The following EFNA5 variants were observed in gnomAD, a reference collection of about 807,000 sequenced individuals.
EFNA5 encodes the protein ephrin A5, also known as ephrin-A5.
A neutral mutation model predicts 22.9 loss-of-function variants in EFNA5; 5 were observed. The ratio of observed to expected loss-of-function variants is 0.22; its 90% CI spans 0.11 to 0.46. The LOEUF (loss-of-function observed/expected upper bound fraction) is 0.46. EFNA5 is among the 20% of genes least tolerant of loss of function. EFNA5 has a pLI of 0.99. For missense variants in EFNA5, 237 were observed against 293.3 expected (o/e 0.81, Z 1.40); for synonymous variants, 113 against 112.2 (o/e 1.01, Z -0.04).
At chr5:107,648,039 C>T (rs373788499) in intron 1 of EFNA5, among the ~76,000 whole-genome samples, 60 of 152,208 alleles carry the variant, frequency 3.9e-4, no homozygotes, top group African/African-American at 1.3e-3. Flanking sequence ...TTGATGCAAA[C>T]GCATTTAGTA....
intron 1 of EFNA5, among the ~76,000 whole-genome samples, chr5:107,592,870 C>T (rs936523491): frequency 1.3e-5 from 2 of 152,064 alleles, no homozygotes; most frequent in African/African-American, 2.4e-5. Flanking sequence ...TTCTTTTCTG[C>T]GAAGGAATTC....
At chr5:107,629,938 C>T (rs770015863) in intron 1 of EFNA5, among the ~76,000 whole-genome samples, 4 of 152,044 alleles carry the variant, frequency 2.6e-5, no homozygotes, top group Non-Finnish European at 5.9e-5. Context: ...CACCTGTAAT[C>T]CCCGCTACCA....
chr5:107,400,299 A>T (rs1748051244), intron 2 of EFNA5, among the ~76,000 whole-genome samples: 1 of 144,168 alleles, frequency 6.9e-6, no homozygotes, highest in African/African-American at 2.9e-5. Context: ...TATAACTTCA[A>T]TAAGTCAAAT....
At chr5:107,556,570 AC>A in intron 1 of EFNA5, among the ~76,000 whole-genome samples, 1 of 151,764 alleles carries the variant, frequency 6.6e-6, no homozygotes, top group South Asian at 2.1e-4. Context: ...ACATGATGAA[AC>A]CCCGTTTCTA....
intron 1 of EFNA5, among the ~76,000 whole-genome samples, chr5:107,444,559 T>C (rs1190099192): frequency 2.0e-5 from 3 of 152,248 alleles, no homozygotes; most frequent in Non-Finnish European, 4.4e-5. Context: ...ACTTAATGGT[T>C]GAACTTCTCT....
chr5:107,420,522 T>TAAAAAAAAAAAAAAAAAAAAA (rs368304882), intron 2 of EFNA5, among the ~76,000 whole-genome samples: 1 of 109,066 alleles, frequency 9.2e-6, no homozygotes. Flanking sequence ...TCTGTGCTTT[T>TAAAAAAAAAAAAAAAAAAAAA]AAAAAAAAAA....
intron 1 of EFNA5, among the ~76,000 whole-genome samples, chr5:107,512,781 C>A (rs173458): frequency 0.08 from 12,139 of 151,962 alleles, 505 homozygotes; most frequent in East Asian, 0.11. Flanking sequence ...TTCTTTTATA[C>A]CTCAGGTAGT....
intron 1 of EFNA5, among the ~76,000 whole-genome samples, chr5:107,650,993 C>T (rs2112552558): frequency 6.6e-6 from 1 of 152,266 alleles, no homozygotes; most frequent in African/African-American, 2.4e-5. Flanking sequence ...ATTAAATGCT[C>T]AACAAAGAGG....
chr5:107,466,553 G>A (rs1749988859), intron 1 of EFNA5, among the ~76,000 whole-genome samples: 1 of 152,190 alleles, frequency 6.6e-6, no homozygotes, highest in African/African-American at 2.4e-5. Flanking sequence ...ACCCTTCCCA[G>A]CTGTGCGGCA....
chr5:107,528,203 G>A (rs900338640), intron 1 of EFNA5, among the ~76,000 whole-genome samples: 6 of 152,132 alleles, frequency 3.9e-5, no homozygotes, highest in African/African-American at 1.4e-4. Flanking sequence ...ACAACTGACT[G>A]TGATAACAAG....
chr5:107,508,961 T>G (rs1238472689), intron 1 of EFNA5, among the ~76,000 whole-genome samples: 1 of 152,238 alleles, frequency 6.6e-6, no homozygotes, highest in Non-Finnish European at 1.5e-5. Context: ...CCTGACAGTT[T>G]ATAGTTCCTC....
chr5:107,504,929 A>C (rs898325926), intron 1 of EFNA5, among the ~76,000 whole-genome samples: 1 of 152,196 alleles, frequency 6.6e-6, no homozygotes, highest in Non-Finnish European at 1.5e-5. Flanking sequence ...TTTTGGCCCT[A>C]TAATATCATC....
intron 1 of EFNA5, among the ~76,000 whole-genome samples, chr5:107,574,556 T>C (rs552272093): frequency 2.6e-5 from 4 of 152,132 alleles, no homozygotes; most frequent in Non-Finnish European, 5.9e-5. Flanking sequence ...AAGATTTTTT[T>C]CCCCCCATGG....
chr5:107,463,580 A>T (rs1201846438), intron 1 of EFNA5, among the ~76,000 whole-genome samples: 1 of 152,172 alleles, frequency 6.6e-6, no homozygotes, highest in Non-Finnish European at 1.5e-5. Context: ...AGAAATTGTG[A>T]TACTTGGTAA....
chr5:107,413,041 T>C (rs924844946), intron 2 of EFNA5, among the ~76,000 whole-genome samples: 3 of 152,262 alleles, frequency 2.0e-5, no homozygotes, highest in African/African-American at 4.8e-5. Context: ...CTTTCAAATA[T>C]CAATATTAAG....
chr5:107,573,665 T>C (rs910259895), intron 1 of EFNA5, among the ~76,000 whole-genome samples: 2 of 152,170 alleles, frequency 1.3e-5, no homozygotes, highest in Non-Finnish European at 2.9e-5. Context: ...ACTATGGATG[T>C]CTATCCCAGG....
At chr5:107,484,091 G>T (rs886742087) in intron 1 of EFNA5, among the ~76,000 whole-genome samples, 52 of 152,260 alleles carry the variant, frequency 3.4e-4, no homozygotes, top group Admixed American at 1.5e-3. Flanking sequence ...CTGCCTTAAA[G>T]TTCACTCTGT....
intron 1 of EFNA5, among the ~76,000 whole-genome samples, chr5:107,560,760 G>A (rs142251446): frequency 6.6e-6 from 1 of 152,274 alleles, no homozygotes; most frequent in East Asian, 1.9e-4. Context: ...ATATCGTACT[G>A]CAGGGACAGG....
At chr5:107,593,467 C>A (rs1749417121) in intron 1 of EFNA5, among the ~76,000 whole-genome samples, 1 of 152,174 alleles carries the variant, frequency 6.6e-6, no homozygotes, top group Non-Finnish European at 1.5e-5. Flanking sequence ...AAAGTCCAAC[C>A]TGCTTATGGT....
Sources: allele counts gnomAD v4.1 joint callset (sites outside exome capture counted in the v4.1 genomes callset), GRCh38; gene constraint gnomAD v4.1.1; transcripts MANE v1.5; gene names NCBI Gene and HGNC (gene_info 2026-07-23, HGNC 2026-07-21).